Variants in BTC observed in about 807,000 individuals in gnomAD.
BTC encodes the protein probetacellulin.
BTC carries 13 observed loss-of-function variants against 18.1 expected under a neutral mutation model. The ratio of observed to expected loss-of-function variants is 0.72; its 90% confidence interval spans 0.47 to 1.14. The LOEUF (loss-of-function observed/expected upper bound fraction) is 1.14, where lower values mean the gene tolerates loss of function less well. Among genes scored for constraint, BTC ranks in the 50% most tolerant of loss-of-function variants. The pLI, the probability that BTC is intolerant of heterozygous loss-of-function variation, is 0.00. For missense variants in BTC, 247 were observed against 224.2 expected (o/e 1.10, Z -0.65); for synonymous variants, 83 against 79.4 (o/e 1.05, Z -0.24).
intron 4 of BTC, among the ~76,000 whole-genome samples, chr4:74,748,499 G>A (rs755609058): frequency 2.6e-5 from 4 of 151,884 alleles, no homozygotes; most frequent in Non-Finnish European, 5.9e-5. Context: ...TTGCGCCACT[G>A]CACTCCAGCC....
chr4:74,794,242 T>G lies in BTC; in HGVS notation c.64+20A>C. Reference sequence around the variant, plus strand: ...CCCAGACTTTCCTCCTGGTTTCCAGTGCCCAGCACGGCCACTTACCCAGGG... The same window carrying G: ...CCCAGACTTTCCTCCTGGTTTCCAGGGCCCAGCACGGCCACTTACCCAGGG... On this transcript the variant is annotated intron_variant, in intron 1 of 5. Transcript: ENST00000395743. 1 of 1,550,130 alleles carries G rather than the reference T, an allele frequency of 6.5e-7. No individual in the cohort carries two copies. Among genetic ancestry groups the G allele is most frequent in the South Asian group, 1.2e-5 (1 of 84,036 alleles).
At chr4:74,769,276 TACAATCTATACAGAACAA>T (rs1161651560) in intron 2 of BTC, among the ~76,000 whole-genome samples, 2 of 152,138 alleles carry the variant, frequency 1.3e-5, no homozygotes, top group South Asian at 2.1e-4. Flanking sequence ...GACCAGAACA[TACAATCTATACAGAACAA>T]ACAATCTATA....
chr4:74,759,578 T>G (rs1724696273), intron 2 of BTC, among the ~76,000 whole-genome samples: 1 of 151,606 alleles, frequency 6.6e-6, no homozygotes. Context: ...TTTTAAAATA[T>G]ATTTTAAAAT....
chr4:74,774,402 T>G (rs562314959), intron 1 of BTC, among the ~76,000 whole-genome samples: 1 of 152,214 alleles, frequency 6.6e-6, no homozygotes, highest in Admixed American at 6.5e-5. Context: ...CAGTAAACAT[T>G]TGAATACCAG....
intron 2 of BTC, among the ~76,000 whole-genome samples, chr4:74,763,662 A>C (rs1724823170): frequency 6.6e-6 from 1 of 152,150 alleles, no homozygotes; most frequent in Non-Finnish European, 1.5e-5. Context: ...TGAGAAAAAA[A>C]GAATCAGGGA....
chr4:74,753,225 A>G (rs1447428653), intron 3 of BTC, among the ~76,000 whole-genome samples: 1 of 152,230 alleles, frequency 6.6e-6, no homozygotes, highest in African/African-American at 2.4e-5. Context: ...CTTAAGGGCA[A>G]TGCAAAATTG....
intron 1 of BTC, among the ~76,000 whole-genome samples, chr4:74,783,198 G>A (rs1442319684): frequency 6.6e-6 from 1 of 152,128 alleles, no homozygotes; most frequent in East Asian, 1.9e-4. Flanking sequence ...GAATGTTATT[G>A]CCTAGATTTT....
At chr4:74,777,964 A>G (rs1006127434) in intron 1 of BTC, among the ~76,000 whole-genome samples, 2 of 152,042 alleles carry the variant, frequency 1.3e-5, no homozygotes, top group Non-Finnish European at 2.9e-5. Flanking sequence ...AAGAAAACAG[A>G]ATCTTAAATA....
chr4:74,768,719 A>C (rs1724962659), intron 2 of BTC, among the ~76,000 whole-genome samples: 1 of 152,274 alleles, frequency 6.6e-6, no homozygotes, highest in Non-Finnish European at 1.5e-5. Flanking sequence ...ATTTGTTAAA[A>C]GGGTAGATTT....
intron 1 of BTC, among the ~76,000 whole-genome samples, chr4:74,791,392 C>T (rs546431496): frequency 2.0e-5 from 3 of 152,118 alleles, no homozygotes; most frequent in South Asian, 2.1e-4. Context: ...TAGAGAAATA[C>T]GAGCCCATTT....
chr4:74,762,740 A>T (rs1724794141), intron 2 of BTC, among the ~76,000 whole-genome samples: 1 of 152,172 alleles, frequency 6.6e-6, no homozygotes, highest in African/African-American at 2.4e-5. Context: ...GATCAAGCTC[A>T]ATTATATTTA....
At chr4:74,777,092 A>G (rs548534446) in intron 1 of BTC, among the ~76,000 whole-genome samples, 1 of 152,320 alleles carries the variant, frequency 6.6e-6, no homozygotes, top group South Asian at 2.1e-4. Context: ...AGCAGTGCAG[A>G]GTAACGGAGA....
intron 2 of BTC, among the ~76,000 whole-genome samples, chr4:74,765,917 A>T (rs922637450): frequency 3.3e-5 from 5 of 152,124 alleles, no homozygotes; most frequent in Non-Finnish European, 7.4e-5. Context: ...GAGTGTACTT[A>T]CACAAATTTA....
intron 1 of BTC, among the ~76,000 whole-genome samples, chr4:74,785,808 G>C (rs1252396111): frequency 6.6e-6 from 1 of 152,126 alleles, no homozygotes; most frequent in East Asian, 1.9e-4. Context: ...CCTAAAGCCA[G>C]AACCTTGGGC....
intron 2 of BTC, among the ~76,000 whole-genome samples, chr4:74,759,359 C>T (rs1232122845): frequency 9.9e-5 from 15 of 152,082 alleles, no homozygotes; most frequent in Non-Finnish European, 1.9e-4. Flanking sequence ...GGGACACAAT[C>T]GATTTTTTTC....
rs146673863 is a variant in BTC at position 74,755,925 on chromosome 4, T to G, written c.215A>C (p.Gln72Pro). ...CCCTTTGATGCAGTAATGCTTGTAT[T>G]GCTTGGGGCACCTAGAGAAGTGGCC... ...RKGHFSRCPK[Q>P]YKHYCIKGRC... The change falls in exon 3 of 6, where the codon CAA becomes CCA. Residue 72 changes from glutamine (Q) to proline (P), a missense_variant. Physicochemically the swap from Gln to Pro is moderately conservative, Grantham distance 76. Transcript: ENST00000395743. The G allele has an allele frequency of 1.5e-4, 248 of 1,614,184 alleles. No homozygotes were observed. The African/African-American group carries it at 3.1e-3, about 20-fold the overall frequency.
intron 1 of BTC, among the ~76,000 whole-genome samples, chr4:74,789,200 A>G (rs1200086261): frequency 6.6e-6 from 1 of 152,230 alleles, no homozygotes; most frequent in Non-Finnish European, 1.5e-5. Flanking sequence ...GAAACAATTC[A>G]AAGCACTTTT....
intron 2 of BTC, among the ~76,000 whole-genome samples, chr4:74,758,229 AAGTT>A (rs1724655358): frequency 2.6e-5 from 4 of 152,332 alleles, no homozygotes; most frequent in South Asian, 4.1e-4. Flanking sequence ...CTGCGAATGA[AAGTT>A]AGAAATCTCA....
At chr4:74,772,657 A>C (rs985988153) in intron 1 of BTC, among the ~76,000 whole-genome samples, 77 of 152,234 alleles carry the variant, frequency 5.1e-4, no homozygotes, top group African/African-American at 1.8e-3. Flanking sequence ...GAGAACAAAA[A>C]AAAAAAAAAA....
Sources: gnomAD v4.1 joint callset for allele counts (sites outside exome capture counted in the v4.1 genomes callset) on GRCh38, gnomAD v4.1.1 for gene constraint, MANE v1.5 for transcripts, NCBI Gene and HGNC (gene_info 2026-07-23, HGNC 2026-07-21) for gene names.